HMGA2: variants seen among roughly 807,000 people sequenced by gnomAD.
HMGA2 encodes the protein high mobility group protein HMGI-C.
A neutral mutation model predicts 19.1 loss-of-function variants in HMGA2; 8 were observed. The observed-to-expected ratio is 0.42, with a 90% CI of 0.25 to 0.76. The LOEUF (loss-of-function observed/expected upper bound fraction) is 0.76, where lower values mean the gene tolerates loss of function less well. Ranked by LOEUF, HMGA2 falls within the 30% of genes least tolerant of loss-of-function variation. The probability of loss-of-function intolerance (pLI) is 0.28; values close to 1 mark genes in which losing one functional copy is unlikely to be tolerated. For synonymous variants in HMGA2, 60 were observed against 48.8 expected, an observed-to-expected ratio of 1.23 and a Z score of -0.96; for missense variants, 109 against 136.3, an observed-to-expected ratio of 0.80 and a Z score of 1.00.
chr12:65,889,186 T>A (rs1180439148), intron 3 of HMGA2, among the ~76,000 whole-genome samples: 1 of 152,244 alleles, frequency 6.6e-6, no homozygotes, highest in South Asian at 2.1e-4. Context: ...CATTTAAGAT[T>A]TCTTTCATTT....
intron 3 of HMGA2, among the ~76,000 whole-genome samples, chr12:65,937,740 G>A (rs1875945200): frequency 6.6e-6 from 1 of 152,120 alleles, no homozygotes. Flanking sequence ...TCTACAAAGA[G>A]GGCTGTTCTT....
chr12:65,958,196 T>A (rs1489449184), intron 4 of HMGA2: 2 of 152,234 alleles, frequency 1.3e-5, no homozygotes, highest in Non-Finnish European at 2.9e-5. Flanking sequence ...TCAACCCAAC[T>A]TTATTAAGCT....
At chr12:65,917,812 T>G (rs1029595736) in intron 3 of HMGA2, among the ~76,000 whole-genome samples, 1 of 152,244 alleles carries the variant, frequency 6.6e-6, no homozygotes, top group African/African-American at 2.4e-5. Context: ...GTGTCTGTGA[T>G]GAAACTTTAA....
intron 3 of HMGA2, among the ~76,000 whole-genome samples, chr12:65,850,345 G>A (rs1295386231): frequency 6.6e-6 from 1 of 152,114 alleles, no homozygotes; most frequent in Non-Finnish European, 1.5e-5. Flanking sequence ...GGGAGCCACA[G>A]TATTTACAGG....
chr12:65,914,410 G>A (rs371694280), intron 3 of HMGA2, among the ~76,000 whole-genome samples: 4 of 147,212 alleles, frequency 2.7e-5, no homozygotes, highest in East Asian at 2.0e-4. Flanking sequence ...ACCAAACACC[G>A]CATATTCTCA....
In HMGA2 at chr12:65,857,378, A is replaced by G. The variant is rs529871265; in HGVS notation, c.249+18809A>G. The G allele has an allele frequency of 5.9e-5, 9 of 152,350 alleles. No individual in the cohort carries two copies. In the South Asian group the frequency reaches 1.7e-3, roughly 28 times the overall value. 9.4% of individuals were successfully genotyped at this position (152,350 alleles called of 1,614,324 possible). On this transcript the variant is annotated intron_variant, in intron 3 of 4. Transcript: ENST00000403681. ...ATCATTTTGGCCTTCAGTTTTATTA[A>G]TGCTTGTTTGATGTGTTAAGCCCCT...
chr12:65,930,319 G>GACC (rs1460405330), intron 3 of HMGA2, among the ~76,000 whole-genome samples: 2 of 152,132 alleles, frequency 1.3e-5, no homozygotes, highest in Non-Finnish European at 2.9e-5. Flanking sequence ...GTACGGCCAT[G>GACC]ACCACCACCT....
chr12:65,844,149 G>A (rs1871138887), intron 3 of HMGA2, among the ~76,000 whole-genome samples: 1 of 152,000 alleles, frequency 6.6e-6, no homozygotes, highest in South Asian at 2.1e-4. Flanking sequence ...ACTGGAGTCA[G>A]AGGGGAAGAA....
intron 3 of HMGA2, among the ~76,000 whole-genome samples, chr12:65,944,780 C>T (rs1040674663): frequency 1.3e-5 from 2 of 152,120 alleles, no homozygotes; most frequent in African/African-American, 2.4e-5. Context: ...ATGAGTCACA[C>T]GGGGTGAATG....
At chr12:65,834,076 C>T (rs1470104432) in intron 2 of HMGA2, among the ~76,000 whole-genome samples, 1 of 152,244 alleles carries the variant, frequency 6.6e-6, no homozygotes, top group Middle Eastern at 3.4e-3. Flanking sequence ...GTAAACAGGA[C>T]ATATCTGATA....
chr12:65,887,444 T>C (rs1873705127), intron 3 of HMGA2, among the ~76,000 whole-genome samples: 1 of 151,980 alleles, frequency 6.6e-6, no homozygotes, highest in Non-Finnish European at 1.5e-5. Flanking sequence ...AAAATTAGCC[T>C]GGTGTGGTGG....
chr12:65,951,461 T>C, intron 4 of HMGA2, 46 bp downstream of exon 4: 1 of 1,216,362 alleles, frequency 8.2e-7, no homozygotes, highest in Non-Finnish European at 1.2e-6. Flanking sequence ...ATATAAAAAG[T>C]GAAATATGTA....
intron 3 of HMGA2, among the ~76,000 whole-genome samples, chr12:65,885,679 C>T (rs184516389): frequency 1.1e-4 from 17 of 152,306 alleles, no homozygotes; most frequent in African/African-American, 2.9e-4. Context: ...GCACATGCCA[C>T]GTATCTCAAG....
chr12:65,866,366 G>A (rs1032230312), intron 3 of HMGA2, among the ~76,000 whole-genome samples: 2 of 152,212 alleles, frequency 1.3e-5, no homozygotes, highest in Non-Finnish European at 2.9e-5. Context: ...ATGTAATGGA[G>A]AGTATTGGAG....
chr12:65,952,691 C>T lies in HMGA2; in HGVS notation c.282+1276C>T, dbSNP rs1327741061. On this transcript the variant is annotated intron_variant, in intron 4 of 4. Transcript: ENST00000403681. Reference sequence around the variant, plus strand: ...ATTAGGAGAACCCAAATATATTTAGCCTCTCATCCTTTAACTGTACAAAAA... The same window carrying T: ...ATTAGGAGAACCCAAATATATTTAGTCTCTCATCCTTTAACTGTACAAAAA... The T allele has an allele frequency of 2.5e-5, 8 of 325,178 alleles. No homozygotes were observed. In the South Asian group the frequency reaches 5.4e-4, roughly 22 times the overall value. 20.1% of individuals were successfully genotyped at this position (325,178 alleles called of 1,614,324 possible).
rs149709494 is a variant in HMGA2 at position 65,824,905 on chromosome 12, C to T, written c.-366C>T. 0.013 allele frequency: 3,689 copies of T among 289,764 alleles called. 44 individuals carry two copies. The highest frequency in any genetic ancestry group is 0.019 in the Non-Finnish European group (2,920 of 154,262). 17.9% of individuals were successfully genotyped at this position (289,764 alleles called of 1,614,324 possible). On this transcript the variant is annotated 5_prime_UTR_variant, in exon 1 of 5. Transcript: ENST00000403681. The stretch of plus-strand genomic sequence containing the variant: ...GCCCGCAACTCCTGATCCCAACCCG[C>T]GAGAGGAGCCTCTGCGACCTCAAAG...
intron 3 of HMGA2, among the ~76,000 whole-genome samples, chr12:65,888,327 G>A (rs1873745952): frequency 6.6e-6 from 1 of 151,406 alleles, no homozygotes. Flanking sequence ...GCAGTGGTGT[G>A]CGCCTATGAT....
chr12:65,867,760 T>C (rs1872504499), intron 3 of HMGA2: 1 of 226,146 alleles, frequency 4.4e-6, no homozygotes, highest in East Asian at 8.7e-5. Flanking sequence ...AATTAACGTA[T>C]TAACACATAA....
At chr12:65,826,363 C>G (rs1453184524) in intron 1 of HMGA2, 1 of 152,146 alleles carries the variant, frequency 6.6e-6, no homozygotes, top group African/African-American at 2.4e-5. Context: ...GGGTTTTGTT[C>G]GCTGTAATTT....
Sources: gnomAD v4.1 joint callset for allele counts (sites outside exome capture counted in the v4.1 genomes callset) on GRCh38, gnomAD v4.1.1 for gene constraint, MANE v1.5 for transcripts, NCBI Gene and HGNC (gene_info 2026-07-23, HGNC 2026-07-21) for gene names.